Variants in NR1H4 observed in about 807,000 individuals in gnomAD.
The protein encoded by NR1H4 is nuclear receptor subfamily 1 group H member 4.
A neutral mutation model predicts 58.5 loss-of-function variants in NR1H4; 23 were observed. That is an observed-to-expected ratio of 0.39 (90% CI 0.28 to 0.56). The LOEUF is 0.56. Among genes scored for constraint, NR1H4 ranks in the 20% least tolerant of loss-of-function variants. The pLI is 0.58. For synonymous variants in NR1H4, 214 were observed against 198.0 expected (o/e 1.08, Z -0.68); for missense variants, 487 against 576.9 (o/e 0.84, Z 1.60).
chr12:100,529,842 T>C (rs958274712), intron 4 of NR1H4, among the ~76,000 whole-genome samples: 10 of 152,210 alleles, frequency 6.6e-5, no homozygotes, highest in African/African-American at 1.7e-4. Context: ...ATTATACTTA[T>C]CTTGCTAGAA....
rs1157843765 is a variant in NR1H4 at position 100,534,984 on chromosome 12, T to C, written c.693T>C (p.Arg231=). 4 of 1,614,102 alleles carry C rather than the reference T, an allele frequency of 2.5e-6. No homozygotes were observed. In the Middle Eastern group the frequency reaches 4.9e-4, roughly 199 times the overall value. The stretch of plus-strand genomic sequence containing the variant: ...CCGTGAATGAAGACAGTGAAGGTCG[T>C]GACTTGCGACAAGTGACCTCGACAA... ...DQTVNEDSEG[R]DLRQVTSTTK... Residue 231 remains arginine (R), a synonymous_variant, in exon 6 of 11, where the codon CGT becomes CGC. Coordinates refer to ENST00000392986, the MANE Select transcript of NR1H4 (RefSeq NM_001206979.2).
chr12:100,540,302 T>C (rs1207461914), intron 8 of NR1H4, among the ~76,000 whole-genome samples: 1 of 152,220 alleles, frequency 6.6e-6, no homozygotes, highest in Non-Finnish European at 1.5e-5. Context: ...TAAAGTTTTC[T>C]TCTGGCTTGT....
At chr12:100,485,341 C>G (rs1566427331) in intron 1 of NR1H4, among the ~76,000 whole-genome samples, 3 of 152,106 alleles carry the variant, frequency 2.0e-5, no homozygotes, top group African/African-American at 7.2e-5. Context: ...TGGTCCTTGG[C>G]AGGCTGGGTT....
At chr12:100,543,991 G>A (rs1423847595) in intron 9 of NR1H4, among the ~76,000 whole-genome samples, 1 of 152,200 alleles carries the variant, frequency 6.6e-6, no homozygotes. Context: ...GGTGGCTCAC[G>A]CCTCTAATCC....
chr12:100,514,721 A>G (rs980341901), intron 4 of NR1H4, among the ~76,000 whole-genome samples: 7 of 152,192 alleles, frequency 4.6e-5, no homozygotes, highest in Admixed American at 1.3e-4. Flanking sequence ...GAGGGAAGCT[A>G]TAATATTTCT....
At chr12:100,520,450 C>T (rs1954385761) in intron 4 of NR1H4, among the ~76,000 whole-genome samples, 1 of 152,098 alleles carries the variant, frequency 6.6e-6, no homozygotes, top group African/African-American at 2.4e-5. Flanking sequence ...AACTGGCCCG[C>T]CGGTTGCTTT....
chr12:100,559,058 G>A (rs1955400461), intron 9 of NR1H4, among the ~76,000 whole-genome samples: 1 of 152,188 alleles, frequency 6.6e-6, no homozygotes, highest in Non-Finnish European at 1.5e-5. Flanking sequence ...GATAGGCAGG[G>A]GACAGGTCCT....
At chr12:100,510,695 C>G in intron 3 of NR1H4, 83 bp from the exon 4 acceptor site, 4 of 1,457,202 alleles carry the variant, frequency 2.7e-6, no homozygotes, top group Non-Finnish European at 3.8e-6. Context: ...TTAGAGCCCA[C>G]ACTCCTAACC....
At chr12:100,487,952 T>C (rs1362093635) in intron 1 of NR1H4, among the ~76,000 whole-genome samples, 1 of 151,908 alleles carries the variant, frequency 6.6e-6, no homozygotes, top group Non-Finnish European at 1.5e-5. Context: ...CTCTACTTCA[T>C]GTGTTCTGCC....
At chr12:100,504,036 T>C (rs1953899211) in intron 3 of NR1H4, among the ~76,000 whole-genome samples, 1 of 151,858 alleles carries the variant, frequency 6.6e-6, no homozygotes, top group Non-Finnish European at 1.5e-5. Flanking sequence ...TGAGATAAAA[T>C]GTATCTAAAA....
At chr12:100,524,498 C>G (rs1954507046) in intron 4 of NR1H4, among the ~76,000 whole-genome samples, 1 of 152,216 alleles carries the variant, frequency 6.6e-6, no homozygotes, top group Non-Finnish European at 1.5e-5. Context: ...AAGCCAAACT[C>G]CAGCACAGCT....
Position 100,545,656 on chromosome 12 carries a change from A to AAAC in NR1H4, c.1078+4840_1078+4841insCAA, listed in dbSNP as rs890491934. ...GACCTTGTCTCAAAAAAAAAAAAAA[A>AAAC]AAAAAAAAAAAAACCAAACGGGGGG... On this transcript the variant is annotated intron_variant, in intron 9 of 10. Coordinates refer to ENST00000392986, the MANE Select transcript of NR1H4 (RefSeq NM_001206979.2). Among the ~76,000 whole-genome samples, 9 of 147,006 alleles carry AAAC rather than the reference A, an allele frequency of 6.1e-5. 2 individuals carry two copies. Among genetic ancestry groups the AAAC allele is most frequent in the African/African-American group, 2.3e-4 (9 of 38,448 alleles).
At chr12:100,528,779 A>G (rs1195647818) in intron 4 of NR1H4, among the ~76,000 whole-genome samples, 1 of 152,224 alleles carries the variant, frequency 6.6e-6, no homozygotes, top group Non-Finnish European at 1.5e-5. Context: ...TTTTTCAGTT[A>G]ATACCAGAGT....
At chr12:100,559,702 A>G (rs991255827) in intron 9 of NR1H4, among the ~76,000 whole-genome samples, 9 of 152,166 alleles carry the variant, frequency 5.9e-5, no homozygotes, top group South Asian at 4.1e-4. Flanking sequence ...AGCCTCCCCA[A>G]CGAGCACCAC....
intron 4 of NR1H4, among the ~76,000 whole-genome samples, chr12:100,527,100 A>C (rs1954577053): frequency 6.6e-6 from 1 of 152,228 alleles, no homozygotes; most frequent in African/African-American, 2.4e-5. Context: ...ATGAACTCAA[A>C]CTGGGGACGG....
At chr12:100,541,406 C>A (rs995191889) in intron 9 of NR1H4, among the ~76,000 whole-genome samples, 44 of 151,556 alleles carry the variant, frequency 2.9e-4, no homozygotes, top group African/African-American at 1.0e-3. Context: ...CTCAGCCTCC[C>A]GAGTAGCCAG....
intron 4 of NR1H4, among the ~76,000 whole-genome samples, chr12:100,530,405 C>A (rs1954663347): frequency 6.6e-6 from 1 of 152,112 alleles, no homozygotes; most frequent in African/African-American, 2.4e-5. Context: ...TAAAGTAGCT[C>A]AAACAATAGC....
chr12:100,536,958 A>T lies in NR1H4; in HGVS notation c.842A>T (p.Glu281Val). ...QEITNKILKE[E>V]FSAEENFLIL... ...TTTCTTAAAATTTAGTTAAAAGAAG[A>T]ATTCAGTGCAGAAGAAAATTTTCTC... Residue 281 changes from glutamate to valine, a missense_variant, in exon 8 of 11, where the codon GAA becomes GTA. By Grantham distance (121) the Glu-to-Val change is moderately radical. Transcript: ENST00000392986. 6.4e-7 allele frequency: 1 copy of T among 1,570,112 alleles called. No homozygotes were observed. The highest frequency in any genetic ancestry group is 8.7e-7 in the Non-Finnish European group (1 of 1,153,662).
chr12:100,539,774 A>G (rs913082002), intron 8 of NR1H4, among the ~76,000 whole-genome samples: 5 of 152,250 alleles, frequency 3.3e-5, no homozygotes, highest in Admixed American at 2.6e-4. Flanking sequence ...AAATAAGCAA[A>G]TAAATCTATA....
Sources: gnomAD v4.1 joint callset for allele counts (sites outside exome capture counted in the v4.1 genomes callset) on GRCh38, gnomAD v4.1.1 for gene constraint, MANE v1.5 for transcripts, NCBI Gene and HGNC (gene_info 2026-07-23, HGNC 2026-07-21) for gene names.